GFRAL: variants seen among roughly 807,000 people sequenced by gnomAD.
The protein encoded by GFRAL is GDNF family receptor alpha-like.
GFRAL carries 36 observed loss-of-function variants against 45.4 expected under a neutral mutation model. The ratio of observed to expected loss-of-function variants is 0.79; its 90% CI spans 0.61 to 1.05. GFRAL has a LOEUF of 1.05. Among genes scored for constraint, GFRAL ranks in the 50% least tolerant of loss-of-function variants. GFRAL has a pLI of 0.00. For synonymous variants in GFRAL, 166 were observed against 154.1 expected, an observed-to-expected ratio of 1.08 and a Z score of -0.57; for missense variants, 507 against 467.5, an observed-to-expected ratio of 1.08 and a Z score of -0.78.
At chr6:55,373,612 A>G (rs2127361284) in intron 6 of GFRAL, among the ~76,000 whole-genome samples, 1 of 152,234 alleles carries the variant, frequency 6.6e-6, no homozygotes, top group East Asian at 1.9e-4. Flanking sequence ...TTAATAATTT[A>G]AGCTAATCTA....
intron 2 of GFRAL, 96 bp from the exon 3 acceptor site, chr6:55,333,690 A>T: frequency 1.5e-6 from 1 of 657,650 alleles, no homozygotes; most frequent in African/African-American, 1.9e-5. Flanking sequence ...CATATTAATT[A>T]ATTATTCAGG....
chr6:55,353,692 T>C (rs2127355914), intron 5 of GFRAL, among the ~76,000 whole-genome samples: 1 of 152,232 alleles, frequency 6.6e-6, no homozygotes. Context: ...TGCAATTTCT[T>C]TTTACACATT....
intron 6 of GFRAL, among the ~76,000 whole-genome samples, chr6:55,368,763 G>C (rs185298873): frequency 2.0e-5 from 3 of 152,174 alleles, no homozygotes; most frequent in African/African-American, 7.2e-5. Context: ...TGGGGGTCAG[G>C]GGTCAGGGAC....
chr6:55,358,452 G>A (rs114618751), intron 5 of GFRAL, among the ~76,000 whole-genome samples: 569 of 151,774 alleles, frequency 3.7e-3, no homozygotes, highest in African/African-American at 0.01. Flanking sequence ...AGTATAAAGC[G>A]CCTCCCATCC....
chr6:55,347,288 G>T (rs971935928), intron 3 of GFRAL, among the ~76,000 whole-genome samples: 1 of 152,136 alleles, frequency 6.6e-6, no homozygotes, highest in South Asian at 2.1e-4. Context: ...AGTAATATTT[G>T]CAATTGAAAG....
chr6:55,333,733 A>T, intron 2 of GFRAL, 53 bp from the exon 3 acceptor site: 1 of 1,217,818 alleles, frequency 8.2e-7, no homozygotes. Context: ...GGGAGGAAGA[A>T]TCCAAAATTA....
intron 6 of GFRAL, among the ~76,000 whole-genome samples, chr6:55,365,806 G>A (rs758798108): frequency 0.013 from 1,953 of 150,140 alleles, 26 homozygotes; most frequent in Non-Finnish European, 0.022. Flanking sequence ...GATCATGGTG[G>A]ATAAGCTTTT....
intron 6 of GFRAL, among the ~76,000 whole-genome samples, chr6:55,385,538 A>T (rs1198766410): frequency 6.6e-6 from 1 of 152,118 alleles, no homozygotes; most frequent in African/African-American, 2.4e-5. Flanking sequence ...AGGCGACTAA[A>T]AATTAGTAAC....
chr6:55,334,269 T>C (rs572014236), intron 3 of GFRAL, among the ~76,000 whole-genome samples: 3 of 152,314 alleles, frequency 2.0e-5, no homozygotes, highest in Non-Finnish European at 2.9e-5. Context: ...ATTCAATTCA[T>C]ATATTTGTGG....
chr6:55,356,822 G>A (rs1278342227), intron 5 of GFRAL, among the ~76,000 whole-genome samples: 1 of 151,546 alleles, frequency 6.6e-6, no homozygotes, highest in Non-Finnish European at 1.5e-5. Flanking sequence ...TTTGATGTAG[G>A]TGCTTATTTC....
chr6:55,355,351 A>T (rs1948782), intron 5 of GFRAL, among the ~76,000 whole-genome samples: 32,597 of 151,642 alleles, frequency 0.21, 3,751 homozygotes, highest in South Asian at 0.3. Flanking sequence ...TTCTTAGAAT[A>T]AATTAAAAAA....
chr6:55,351,660 C>G (rs529886342), intron 5 of GFRAL, 77 bp downstream of exon 5: 1 of 1,003,044 alleles, frequency 1.0e-6, no homozygotes, highest in African/African-American at 1.6e-5. Context: ...CACTTGATCT[C>G]ATAACATTAG....
At chr6:55,355,263 T>C (rs1768174588) in intron 5 of GFRAL, among the ~76,000 whole-genome samples, 1 of 151,724 alleles carries the variant, frequency 6.6e-6, no homozygotes, top group Non-Finnish European at 1.5e-5. Flanking sequence ...AGAGGACAGG[T>C]CAATAGGTGC....
At chr6:55,368,701 C>A (rs9464238) in intron 6 of GFRAL, among the ~76,000 whole-genome samples, 2 of 151,786 alleles carry the variant, frequency 1.3e-5, no homozygotes, top group Non-Finnish European at 2.9e-5. Context: ...GTACCCTGCC[C>A]TGTGAGGTGT....
intron 2 of GFRAL, among the ~76,000 whole-genome samples, chr6:55,332,833 G>T (rs892804062): frequency 8.6e-5 from 13 of 152,012 alleles, no homozygotes; most frequent in African/African-American, 3.1e-4. Context: ...AAATAGAATA[G>T]TATAAACTAC....
chr6:55,393,965 A>G (rs1283097956), intron 6 of GFRAL, among the ~76,000 whole-genome samples: 1 of 152,212 alleles, frequency 6.6e-6, no homozygotes, highest in East Asian at 1.9e-4. Context: ...CCTATGCTGG[A>G]ATATGATGAT....
intron 6 of GFRAL, among the ~76,000 whole-genome samples, chr6:55,383,772 A>G (rs1323642926): frequency 6.6e-6 from 1 of 151,988 alleles, no homozygotes; most frequent in Non-Finnish European, 1.5e-5. Flanking sequence ...TTCTAATCCA[A>G]TGGGCTTGAA....
chr6:55,391,660 G>A (rs1458570420), intron 6 of GFRAL, among the ~76,000 whole-genome samples: 1 of 152,110 alleles, frequency 6.6e-6, no homozygotes, highest in African/African-American at 2.4e-5. Context: ...TGAGACAGGA[G>A]GATTGCTTGA....
intron 6 of GFRAL, among the ~76,000 whole-genome samples, chr6:55,391,109 T>C (rs1398203475): frequency 1.3e-5 from 2 of 152,046 alleles, no homozygotes; most frequent in East Asian, 3.9e-4. Context: ...AGTGGACGAC[T>C]CATTTAAGAT....
Sources: allele counts gnomAD v4.1 joint callset (sites outside exome capture counted in the v4.1 genomes callset), GRCh38; gene constraint gnomAD v4.1.1; transcripts MANE v1.5; gene names NCBI Gene and HGNC (gene_info 2026-07-23, HGNC 2026-07-21).